Variants in DIS3L2 observed in about 807,000 individuals in gnomAD.
DIS3L2 encodes DIS3 like 3'-5' exoribonuclease 2, also known as DIS3-like exonuclease 2.
Under a neutral mutation model 97.5 loss-of-function variants are expected in DIS3L2, and 34 were observed. That is an observed-to-expected ratio of 0.35 (90% CI 0.27 to 0.46). The LOEUF (loss-of-function observed/expected upper bound fraction) is 0.46, where lower values mean the gene tolerates loss of function less well. Among genes scored for constraint, DIS3L2 ranks in the 20% least tolerant of loss-of-function variants. DIS3L2 has a pLI of 1.00. For synonymous variants in DIS3L2, 435 were observed against 445.2 expected (o/e 0.98, Z 0.29); for missense variants, 1,038 against 1,146.0 (o/e 0.91, Z 1.36).
intron 1 of DIS3L2, among the ~76,000 whole-genome samples, chr2:232,011,638 C>T (rs2106216659): frequency 6.6e-6 from 1 of 151,204 alleles, no homozygotes; most frequent in Non-Finnish European, 1.5e-5. Context: ...CAGGCGTGAG[C>T]CACTGTGCCT....
At chr2:232,005,265 T>C (rs1694020387) in intron 1 of DIS3L2, among the ~76,000 whole-genome samples, 1 of 151,426 alleles carries the variant, frequency 6.6e-6, no homozygotes. Flanking sequence ...TAAATCTCAT[T>C]TGAAATCTCC....
intron 9 of DIS3L2, among the ~76,000 whole-genome samples, chr2:232,185,254 G>T (rs902387644): frequency 6.6e-6 from 1 of 152,100 alleles, no homozygotes; most frequent in African/African-American, 2.4e-5. Flanking sequence ...TATGTTTTCT[G>T]ACCATATGGA....
At chr2:231,992,322 G>T (rs1384130569) in intron 1 of DIS3L2, among the ~76,000 whole-genome samples, 1 of 152,078 alleles carries the variant, frequency 6.6e-6, no homozygotes, top group African/African-American at 2.4e-5. Context: ...CAGGGAGCTT[G>T]AAGAGTACGG....
intron 1 of DIS3L2, among the ~76,000 whole-genome samples, chr2:231,990,836 G>A (rs894123159): frequency 8.5e-5 from 13 of 152,162 alleles, no homozygotes; most frequent in Admixed American, 8.5e-4. Context: ...GATGTCCTGT[G>A]TATTACCAAG....
intron 1 of DIS3L2, among the ~76,000 whole-genome samples, chr2:232,012,345 G>T (rs1486587753): frequency 6.6e-6 from 1 of 152,170 alleles, no homozygotes; most frequent in Non-Finnish European, 1.5e-5. Flanking sequence ...TGGGATAACT[G>T]CTGTGAAGGA....
At chr2:232,272,318 A>T (rs746185549) in intron 13 of DIS3L2, among the ~76,000 whole-genome samples, 11 of 152,206 alleles carry the variant, frequency 7.2e-5, no homozygotes, top group Non-Finnish European at 1.5e-5. Flanking sequence ...CAAACTTTCT[A>T]CCCTCAAGCT....
chr2:231,975,725 A>AAC (rs1263930280), intron 1 of DIS3L2, among the ~76,000 whole-genome samples: 1 of 151,268 alleles, frequency 6.6e-6, no homozygotes, highest in East Asian at 1.9e-4. Context: ...AAAAAAAAAA[A>AAC]AAAGATGAGG....
At chr2:232,111,745 C>T (rs1559640673) in intron 6 of DIS3L2, among the ~76,000 whole-genome samples, 2 of 152,200 alleles carry the variant, frequency 1.3e-5, no homozygotes. Flanking sequence ...ATGACCTAAG[C>T]AGTCCAGTCA....
chr2:232,337,988 C>T (rs1696019544), downstream of DIS3L2, among the ~76,000 whole-genome samples: 4 of 150,492 alleles, frequency 2.7e-5, no homozygotes, highest in South Asian at 8.4e-4. Context: ...GCCACGGTCA[C>T]CCCATCTGTT....
intron 9 of DIS3L2, among the ~76,000 whole-genome samples, chr2:232,177,315 A>G (rs984230324): frequency 6.8e-6 from 1 of 147,468 alleles, no homozygotes; most frequent in Non-Finnish European, 1.5e-5. Context: ...ATTTGGGTAT[A>G]TATACCCAGT....
At position 232,119,688 on chromosome 2, in the gene DIS3L2, G is replaced by C. The variant is rs557072466; in HGVS notation, c.602-10931G>C. 1.8e-4 allele frequency among the ~76,000 whole-genome samples: 28 copies of C among 152,310 alleles called. No homozygotes were observed. The South Asian group carries it at 4.1e-3, about 23-fold the overall frequency. On this transcript the variant is annotated intron_variant, in intron 6 of 20. Transcript: ENST00000325385. The stretch of plus-strand genomic sequence containing the variant: ...GAGTGTTGAAGATGTAATTAATACA[G>C]TTAATAGCTGGGAATGGGAATCAGT...
At chr2:232,196,575 A>G (rs1691763838) in intron 9 of DIS3L2, among the ~76,000 whole-genome samples, 3 of 152,142 alleles carry the variant, frequency 2.0e-5, no homozygotes, top group African/African-American at 7.2e-5. Context: ...CCATAGGATT[A>G]AAAGACTTGA....
intron 1 of DIS3L2, among the ~76,000 whole-genome samples, chr2:231,997,320 A>T (rs1017935331): frequency 6.6e-6 from 1 of 152,226 alleles, no homozygotes; most frequent in Non-Finnish European, 1.5e-5. Flanking sequence ...AGGACATTTA[A>T]TCTTTTAAAT....
intron 6 of DIS3L2, among the ~76,000 whole-genome samples, chr2:232,108,831 C>T (rs1345573636): frequency 6.6e-6 from 1 of 152,058 alleles, no homozygotes; most frequent in Admixed American, 6.6e-5. Context: ...AATAAAATAC[C>T]TAGGAATACA....
chr2:232,215,289 T>A (rs1692301807), intron 10 of DIS3L2, among the ~76,000 whole-genome samples: 1 of 152,074 alleles, frequency 6.6e-6, no homozygotes, highest in South Asian at 2.1e-4. Context: ...CAGCCCCGGG[T>A]GCACAGCCCT....
chr2:232,326,107 G>A (rs919659960), intron 14 of DIS3L2, among the ~76,000 whole-genome samples: 6 of 152,156 alleles, frequency 3.9e-5, no homozygotes, highest in African/African-American at 9.7e-5. Flanking sequence ...CCTGCTGACC[G>A]GGTCATCTCT....
At chr2:232,048,424 T>A (rs1024821310) in intron 5 of DIS3L2, among the ~76,000 whole-genome samples, 2 of 149,936 alleles carry the variant, frequency 1.3e-5, no homozygotes, top group South Asian at 2.1e-4. Flanking sequence ...TAAAAAAAAA[T>A]CTTGTGGGCA....
chr2:232,323,995 G>T (rs1695507734), intron 14 of DIS3L2, among the ~76,000 whole-genome samples: 1 of 152,122 alleles, frequency 6.6e-6, no homozygotes, highest in Admixed American at 6.5e-5. Flanking sequence ...CTCCCCAGCA[G>T]CCTGCAATTC....
At chr2:232,049,539 T>C (rs1356608766) in intron 5 of DIS3L2, among the ~76,000 whole-genome samples, 2 of 152,138 alleles carry the variant, frequency 1.3e-5, no homozygotes, top group East Asian at 3.8e-4. Flanking sequence ...GTCCACATGA[T>C]GACACAGCAA....
Sources: gnomAD v4.1 joint callset for allele counts (sites outside exome capture counted in the v4.1 genomes callset) on GRCh38, gnomAD v4.1.1 for gene constraint, MANE v1.5 for transcripts, NCBI Gene and HGNC (gene_info 2026-07-23, HGNC 2026-07-21) for gene names.